Variants in PHACTR2 observed in about 807,000 individuals in gnomAD.
PHACTR2 encodes the protein phosphatase and actin regulator 2, also known as chromosome 6 open reading frame 56.
Under a neutral mutation model 76.0 loss-of-function variants are expected in PHACTR2, and 30 were observed. The ratio of observed to expected loss-of-function variants is 0.39; its 90% CI spans 0.30 to 0.54. The LOEUF is 0.54. PHACTR2 is among the 20% of genes least tolerant of loss of function. The probability of loss-of-function intolerance (pLI) is 0.61; values close to 1 mark genes in which losing one functional copy is unlikely to be tolerated. For synonymous variants in PHACTR2, 292 were observed against 292.5 expected (o/e 1.00, Z 0.02); for missense variants, 696 against 781.1 (o/e 0.89, Z 1.30).
rs549646110 is a variant in PHACTR2, at chr6:143,591,359, G to A, written c.217+54152G>A. ...GGAATGACCCTGCATCAAGCATGTT[G>A]AGAAAGAAAGAGAAACTTCCTGTTT... On this transcript the variant is annotated intron_variant, in intron 1 of 11. Transcript: ENST00000367584. The surrounding 1 kb of genome is among the most constrained non-coding windows in gnomAD (Gnocchi z 6.4). Among the ~76,000 whole-genome samples, 317 of 152,328 alleles carry A rather than the reference G, an allele frequency of 2.1e-3. 1 individual carries two copies. Among genetic ancestry groups the A allele is most frequent in the African/African-American group, 7.1e-3 (295 of 41,576 alleles).
rs931666063 is a variant in PHACTR2 at position 143,751,478 on chromosome 6, A to T, written c.296-2276A>T. On this transcript the variant is annotated intron_variant, in intron 3 of 12. Coordinates refer to ENST00000440869, the MANE Select transcript of PHACTR2 (RefSeq NM_001100164.2). This position sits in a 1 kb window ranked among gnomAD's most constrained non-coding sequence, Gnocchi z 5.7. ...GTGTGCCATCCTTTCCTTTTCTCCCACTGTGGACTTTTGTCACTTGCCTTT... is the reference window on the plus strand; with the variant it reads ...GTGTGCCATCCTTTCCTTTTCTCCCTCTGTGGACTTTTGTCACTTGCCTTT... Among the ~76,000 whole-genome samples the T allele has an allele frequency of 6.6e-6, 1 of 151,322 alleles. No homozygotes were observed. The highest frequency in any genetic ancestry group is 2.4e-5 in the African/African-American group (1 of 41,092).
chr6:143,765,197 G>T lies in PHACTR2; in HGVS notation c.695-64G>T. On this transcript the variant is annotated intron_variant, in intron 5 of 12. Coordinates refer to ENST00000440869, the MANE Select transcript of PHACTR2 (RefSeq NM_001100164.2). The surrounding 1 kb of genome is among the most constrained non-coding windows in gnomAD (Gnocchi z 4.1). ...TAAATGTTGTTGACAGTTACACCTTGGTTACTTTATTTTAAAAAGCATTGT... is the reference window on the plus strand; with the variant it reads ...TAAATGTTGTTGACAGTTACACCTTTGTTACTTTATTTTAAAAAGCATTGT... 7.9e-7 allele frequency: 1 copy of T among 1,260,642 alleles called. No individual in the cohort carries two copies. The highest frequency in any genetic ancestry group is 1.1e-6 in the Non-Finnish European group (1 of 897,020). 78.1% of individuals were successfully genotyped at this position (1,260,642 alleles called of 1,614,324 possible). A position where few individuals can be genotyped will look rare whatever the true frequency, so the allele number is the denominator to read the frequency against.
intron 11 of PHACTR2, among the ~76,000 whole-genome samples, chr6:143,790,673 ATTC>A (rs1775660119): frequency 1.4e-5 from 2 of 142,158 alleles, no homozygotes; most frequent in Non-Finnish European, 3.1e-5. Context: ...ATTTAACAAG[ATTC>A]TTTTTTTTTT....
At position 143,624,964 on chromosome 6, in the gene PHACTR2, T is replaced by C. The variant is rs1455677629; in HGVS notation, c.13+16642T>C. Reference sequence around the variant, plus strand: ...TGAGGTCAGGAGTACAAGACCAGCCTGGTCAACATGGTGAAAACCCGTATC... The same window carrying C: ...TGAGGTCAGGAGTACAAGACCAGCCCGGTCAACATGGTGAAAACCCGTATC... On this transcript the variant is annotated intron_variant, in intron 1 of 11. Coordinates refer to the PHACTR2 transcript ENST00000305766. The surrounding 1 kb of genome is among the most constrained non-coding windows in gnomAD (Gnocchi z 4.6). 3.9e-5 allele frequency among the ~76,000 whole-genome samples: 6 copies of C among 152,098 alleles called. No homozygotes were observed. Among genetic ancestry groups the C allele is most frequent in the African/African-American group, 1.4e-4 (6 of 41,416 alleles).
At chr6:143,588,070 G>A (rs1006294238) in intron 1 of PHACTR2, among the ~76,000 whole-genome samples, 1 of 122,106 alleles carries the variant, frequency 8.2e-6, no homozygotes, top group African/African-American at 2.8e-5. Flanking sequence ...CTAATGCTCA[G>A]CACAAATTCT....
At position 143,789,664 on chromosome 6, in the gene PHACTR2, A is replaced by G. The variant is rs192903137; in HGVS notation, c.1845+754A>G. Reference sequence around the variant, plus strand: ...CTGGTATTGAATAAACTCGTGCTATACCCAGTTTTTTTTAATCATAAGTAC... The same window carrying G: ...CTGGTATTGAATAAACTCGTGCTATGCCCAGTTTTTTTTAATCATAAGTAC... On this transcript the variant is annotated intron_variant, in intron 11 of 12. Coordinates refer to ENST00000440869, the MANE Select transcript of PHACTR2 (RefSeq NM_001100164.2). This position sits in a 1 kb window ranked among gnomAD's most constrained non-coding sequence, Gnocchi z 5.1. Among the ~76,000 whole-genome samples, 1 of 152,266 alleles carries G rather than the reference A, an allele frequency of 6.6e-6. No homozygotes were observed. Among genetic ancestry groups the G allele is most frequent in the Admixed American group, 6.5e-5 (1 of 15,296 alleles).
chr6:143,719,008 GA>G (rs1177687684), intron 2 of PHACTR2, among the ~76,000 whole-genome samples: 3 of 151,046 alleles, frequency 2.0e-5, no homozygotes, highest in Non-Finnish European at 4.4e-5. Flanking sequence ...TCAGCCTCCT[GA>G]GTAGCAGGGA....
chr6:143,552,888 G>GAAAAAAAAAAAAAAAAAAAAAA (rs35606517), intron 1 of PHACTR2, among the ~76,000 whole-genome samples: 1 of 116,650 alleles, frequency 8.6e-6, no homozygotes, highest in African/African-American at 3.3e-5. Context: ...ATCTCAAAAA[G>GAAAAAAAAAAAAAAAAAAAAAA]AAAAAAAAAA....
At chr6:143,588,115 T>A (rs1775649394) in intron 1 of PHACTR2, among the ~76,000 whole-genome samples, 1 of 152,138 alleles carries the variant, frequency 6.6e-6, no homozygotes, top group Non-Finnish European at 1.5e-5. Context: ...TTCTAAAGCC[T>A]TTTTATACTT....
rs758726218 is a variant in PHACTR2, at chr6:143,712,004, T to C, written c.47-12T>C. The C allele has an allele frequency of 1.2e-6, 2 of 1,600,430 alleles. No individual in the cohort carries two copies. Among genetic ancestry groups the C allele is most frequent in the Non-Finnish European group, 1.7e-6 (2 of 1,173,192 alleles). On this transcript the variant is annotated splice_polypyrimidine_tract_variant and intron_variant, in intron 1 of 12. Coordinates refer to ENST00000440869, the MANE Select transcript of PHACTR2 (RefSeq NM_001100164.2). ...TTACAACCTTTCTCTGTCTATATCT[T>C]TCTTTATACAGTTGACGGACTGGAC...
Position 143,589,870 on chromosome 6 carries a change from C to G in PHACTR2, c.217+52663C>G, listed in dbSNP as rs1775670895. ...ATACACATCCCAGCTCATTCTAGAA[C>G]CAGGCAAGGATAATAGGAGAAGGGA... On this transcript the variant is annotated intron_variant, in intron 1 of 11. Coordinates refer to the PHACTR2 transcript ENST00000367584. The surrounding 1 kb of genome is among the most constrained non-coding windows in gnomAD (Gnocchi z 4.4). Among the ~76,000 whole-genome samples the G allele has an allele frequency of 1.3e-5, 2 of 152,156 alleles. No homozygotes were observed. Among genetic ancestry groups the G allele is most frequent in the South Asian group, 2.1e-4 (1 of 4,836 alleles).
Position 143,548,025 on chromosome 6 carries a change from A to C in PHACTR2, c.217+10818A>C, listed in dbSNP as rs1297938241. Among the ~76,000 whole-genome samples, 4 of 152,164 alleles carry C rather than the reference A, an allele frequency of 2.6e-5. No individual in the cohort carries two copies. The highest frequency in any genetic ancestry group is 9.7e-5 in the African/African-American group (4 of 41,444). On this transcript the variant is annotated intron_variant, in intron 1 of 11. Coordinates refer to the PHACTR2 transcript ENST00000367584. This position sits in a 1 kb window ranked among gnomAD's most constrained non-coding sequence, Gnocchi z 4.5. ...TTTTGGCCTACTATAACAAACTGTCATAGACTGGTTGGCTTATAAATAAGA... is the reference window on the plus strand; with the variant it reads ...TTTTGGCCTACTATAACAAACTGTCCTAGACTGGTTGGCTTATAAATAAGA...
At chr6:143,720,926 T>G (rs1309805247) in intron 2 of PHACTR2, among the ~76,000 whole-genome samples, 1 of 152,254 alleles carries the variant, frequency 6.6e-6, no homozygotes, top group Non-Finnish European at 1.5e-5. Context: ...TTGTCAATCT[T>G]GATATCTACT....
In PHACTR2 at chr6:143,660,086, C is replaced by T. The variant is rs191850210; in HGVS notation, c.13+51764C>T. ...TCATTTGTAAATGGTGTTCTATTGACAATACTGCTTACTACTGGTAGGCCT... is the reference window on the plus strand; with the variant it reads ...TCATTTGTAAATGGTGTTCTATTGATAATACTGCTTACTACTGGTAGGCCT... On this transcript the variant is annotated intron_variant, in intron 1 of 11. Coordinates refer to the PHACTR2 transcript ENST00000305766. Among the ~76,000 whole-genome samples the T allele has an allele frequency of 3.9e-5, 6 of 152,280 alleles. No individual in the cohort carries two copies. The East Asian group carries it at 1.2e-3, about 29-fold the overall frequency.
chr6:143,733,512 G>A lies in PHACTR2; in HGVS notation c.215-15473G>A, dbSNP rs1778753772. Reference sequence around the variant, plus strand: ...AATCTTTTCGATTTGGAAAGTGCTGGATTTGGGGTGAGGGGTAGGGAATGA... The same window carrying A: ...AATCTTTTCGATTTGGAAAGTGCTGAATTTGGGGTGAGGGGTAGGGAATGA... On this transcript the variant is annotated intron_variant, in intron 2 of 12. Transcript: ENST00000440869. This position sits in a 1 kb window ranked among gnomAD's most constrained non-coding sequence, Gnocchi z 4.0. Among the ~76,000 whole-genome samples the A allele has an allele frequency of 6.6e-6, 1 of 152,176 alleles. No individual in the cohort carries two copies. The highest frequency in any genetic ancestry group is 2.4e-5 in the African/African-American group (1 of 41,446).
At chr6:143,790,125 C>T (rs749064932) in intron 11 of PHACTR2, among the ~76,000 whole-genome samples, 7 of 152,116 alleles carry the variant, frequency 4.6e-5, no homozygotes, top group Admixed American at 1.3e-4. Context: ...GTGGAGACAA[C>T]GAGGATCAAA....
rs907463526 is a variant in PHACTR2 at position 143,694,342 on chromosome 6, A to G, written c.46+16133A>G. Among the ~76,000 whole-genome samples the G allele has an allele frequency of 2.0e-5, 3 of 152,216 alleles. No homozygotes were observed. The East Asian group carries it at 5.8e-4, about 29-fold the overall frequency. ...TGCCATTGTGTAAGAAATCAATACC[A>G]GTATCTTGTGATTGGAGCACCAAAT... is the stretch of plus-strand genomic sequence containing the variant. On this transcript the variant is annotated intron_variant, in intron 1 of 12. Transcript: ENST00000440869.
rs548977026 is a variant in PHACTR2, at chr6:143,541,521, G to A, written c.217+4314G>A. On this transcript the variant is annotated intron_variant, in intron 1 of 11. Transcript: ENST00000367584. This position sits in a 1 kb window ranked among gnomAD's most constrained non-coding sequence, Gnocchi z 5.3. ...GCCACCTCCAAAAAAAGCAGTATAG[G>A]TGTGTGGACCACTTCATTAGCTTAA... is the stretch of plus-strand genomic sequence containing the variant. Among the ~76,000 whole-genome samples, 1 of 152,282 alleles carries A rather than the reference G, an allele frequency of 6.6e-6. No homozygotes were observed. Among genetic ancestry groups the A allele is most frequent in the African/African-American group, 2.4e-5 (1 of 41,544 alleles).
Position 143,662,546 on chromosome 6 carries a change from C to T in PHACTR2, c.14-49470C>T, listed in dbSNP as rs926867104. On this transcript the variant is annotated intron_variant, in intron 1 of 11. Transcript: ENST00000305766. This position sits in a 1 kb window ranked among gnomAD's most constrained non-coding sequence, Gnocchi z 4.7. Reference sequence around the variant, plus strand: ...TTCATCTGTTTTTAGTTATAAAATGCTGAACTATTGAATAATGAAAGTGTT... The same window carrying T: ...TTCATCTGTTTTTAGTTATAAAATGTTGAACTATTGAATAATGAAAGTGTT... Among the ~76,000 whole-genome samples the T allele has an allele frequency of 6.6e-6, 1 of 151,978 alleles. No homozygotes were observed. The highest frequency in any genetic ancestry group is 1.5e-5 in the Non-Finnish European group (1 of 68,010).
Sources: gnomAD v4.1 joint callset for allele counts (sites outside exome capture counted in the v4.1 genomes callset) on GRCh38, gnomAD v4.1.1 for gene constraint, Gnocchi (gnomAD v3.1) non-coding constraint, MANE v1.5 for transcripts, NCBI Gene and HGNC (gene_info 2026-07-23, HGNC 2026-07-21) for gene names.